The following ERLEC1 variants were observed in gnomAD, a reference collection of about 807,000 sequenced individuals.
ERLEC1 encodes ER lectin.
A neutral mutation model predicts 68.0 loss-of-function variants in ERLEC1; 47 were observed. That is an observed-to-expected ratio of 0.69 (90% confidence interval 0.55 to 0.88). The LOEUF (loss-of-function observed/expected upper bound fraction) is 0.88. Among genes scored for constraint, ERLEC1 ranks in the 40% least tolerant of loss-of-function variants. The pLI is 0.00. For missense variants in ERLEC1, 567 were observed against 583.8 expected, an observed-to-expected ratio of 0.97 and a Z score of 0.30; for synonymous variants, 225 against 203.2, an observed-to-expected ratio of 1.11 and a Z score of -0.91.
At chr2:53,791,771 T>TA (rs1237013034) in intron 1 of ERLEC1, among the ~76,000 whole-genome samples, 4 of 152,152 alleles carry the variant, frequency 2.6e-5, no homozygotes, top group African/African-American at 9.7e-5. Context: ...TGAAAGGAAT[T>TA]ACAAATGTTA....
intron 6 of ERLEC1, among the ~76,000 whole-genome samples, 189 bp from the exon 7 acceptor site, chr2:53,801,208 A>G (rs1410953689): frequency 6.6e-6 from 1 of 152,236 alleles, no homozygotes; most frequent in Admixed American, 6.5e-5. Context: ...CTGAAAATAC[A>G]TATTTGCTCA....
At chr2:53,790,725 A>T (rs1432613196) in intron 1 of ERLEC1, among the ~76,000 whole-genome samples, 1 of 151,338 alleles carries the variant, frequency 6.6e-6, no homozygotes, top group Non-Finnish European at 1.5e-5. Context: ...CTCTGGTCTC[A>T]GCCTCTTAAA....
At chr2:53,809,484 C>T (rs1676473736) in intron 10 of ERLEC1, among the ~76,000 whole-genome samples, 1 of 152,178 alleles carries the variant, frequency 6.6e-6, no homozygotes, top group South Asian at 2.1e-4. Flanking sequence ...ATTAATTACT[C>T]ATATGCTTCT....
At chr2:53,808,714 G>C (rs1676432308) in intron 9 of ERLEC1, among the ~76,000 whole-genome samples, 1 of 152,158 alleles carries the variant, frequency 6.6e-6, no homozygotes, top group Non-Finnish European at 1.5e-5. Context: ...GATTCTGGTT[G>C]ATTGCTAGAA....
chr2:53,802,668 T>C (rs1676067366), intron 8 of ERLEC1, among the ~76,000 whole-genome samples: 1 of 152,174 alleles, frequency 6.6e-6, no homozygotes, highest in African/African-American at 2.4e-5. Context: ...ACAAACCCCT[T>C]TGTGGTCTGA....
chr2:53,809,251 A>G lies in ERLEC1; in HGVS notation c.1079A>G (p.Lys360Arg), dbSNP rs150279841. ...GWWKYEFCYG[K>R]HVHQYHEDKD... Reference sequence around the variant, plus strand: ...TGGAAATATGAATTCTGCTATGGCAAACATGTACATCAATACCATGAGGTA... The same window carrying G: ...TGGAAATATGAATTCTGCTATGGCAGACATGTACATCAATACCATGAGGTA... The change falls in exon 10 of 14, where the codon AAA becomes AGA. Residue 360 changes from lysine to arginine, a missense_variant. Coordinates refer to ENST00000185150, the MANE Select transcript of ERLEC1 (RefSeq NM_015701.5). The G allele has an allele frequency of 1.4e-5, 22 of 1,579,432 alleles. No individual in the cohort carries two copies. In the African/African-American group the frequency reaches 2.8e-4, roughly 20 times the overall value.
At chr2:53,814,346 T>C (rs1349497385) in intron 11 of ERLEC1, among the ~76,000 whole-genome samples, 197 bp from the exon 12 acceptor site, 3 of 152,232 alleles carry the variant, frequency 2.0e-5, no homozygotes, top group East Asian at 1.9e-4. Context: ...GTATCTCTTA[T>C]ATTCTCTTTA....
At chr2:53,817,766 T>G (rs1676979609) in intron 13 of ERLEC1, 132 bp from the exon 14 acceptor site, 2 of 603,150 alleles carry the variant, frequency 3.3e-6, no homozygotes, top group South Asian at 4.4e-5. Flanking sequence ...TTTGTAGAAA[T>G]AATGTTGGAT....
intron 1 of ERLEC1, among the ~76,000 whole-genome samples, chr2:53,788,129 C>A (rs192275599): frequency 6.6e-6 from 1 of 152,302 alleles, no homozygotes; most frequent in East Asian, 1.9e-4. Flanking sequence ...ATATTGTACT[C>A]TTATGACACT....
chr2:53,801,374 G>T (rs1356529002), intron 6 of ERLEC1, 23 bp from the exon 7 acceptor site: 1 of 1,593,332 alleles, frequency 6.3e-7, no homozygotes, highest in African/African-American at 1.3e-5. Context: ...TGAAAAGTCT[G>T]TCTTATACTC....
intron 10 of ERLEC1, among the ~76,000 whole-genome samples, chr2:53,812,080 G>A (rs753781908): frequency 2.0e-5 from 3 of 152,108 alleles, no homozygotes; most frequent in Non-Finnish European, 4.4e-5. Flanking sequence ...AGCACGCCCG[G>A]CTAATTTTGT....
rs920042333 is a variant in ERLEC1, at chr2:53,818,328, TTATAG to T, written c.*364_*368del. On this transcript the variant is annotated 3_prime_UTR_variant, in exon 14 of 14. Transcript: ENST00000185150. ...TTAAATAATAGATTTATTATGTAAA[TTATAG>T]TATATGTAAGTAGCTAATGAAGTAA... 1 of 162,864 alleles carries T rather than the reference TTATAG, an allele frequency of 6.1e-6. No individual in the cohort carries two copies. The highest frequency in any genetic ancestry group is 1.3e-5 in the Non-Finnish European group (1 of 74,140). The allele number at this position is 162,864 out of a possible 1,614,324, so 10.1% of individuals were successfully genotyped here. A position where few individuals can be genotyped will look rare whatever the true frequency, so the allele number is the denominator to read the frequency against.
At chr2:53,813,665 T>C (rs1676708915) in intron 11 of ERLEC1, among the ~76,000 whole-genome samples, 2 of 152,220 alleles carry the variant, frequency 1.3e-5, no homozygotes, top group African/African-American at 4.8e-5. Context: ...ATGTTTTCAA[T>C]TATTCCTTCT....
At chr2:53,806,649 T>G (rs1676309693) in intron 8 of ERLEC1, among the ~76,000 whole-genome samples, 1 of 152,178 alleles carries the variant, frequency 6.6e-6, no homozygotes, top group African/African-American at 2.4e-5. Flanking sequence ...ATAAGGTCAT[T>G]GCTTTCTGGA....
intron 13 of ERLEC1, among the ~76,000 whole-genome samples, chr2:53,815,900 C>G (rs2104344899): frequency 6.6e-6 from 1 of 152,298 alleles, no homozygotes; most frequent in East Asian, 1.9e-4. Flanking sequence ...GTCCTCACTT[C>G]TCAACACATC....
At chr2:53,806,411 T>C (rs1052993400) in intron 8 of ERLEC1, among the ~76,000 whole-genome samples, 7 of 152,236 alleles carry the variant, frequency 4.6e-5, no homozygotes, top group Non-Finnish European at 1.0e-4. Context: ...TTAACCTTAA[T>C]AGAGGTCTCA....
intron 8 of ERLEC1, among the ~76,000 whole-genome samples, chr2:53,807,924 C>G (rs568028267): frequency 6.6e-6 from 1 of 151,926 alleles, no homozygotes; most frequent in African/African-American, 2.4e-5. Flanking sequence ...ACTTTGGAGG[C>G]TGAGGCAGGA....
intron 2 of ERLEC1, among the ~76,000 whole-genome samples, chr2:53,795,150 G>A (rs763098750): frequency 2.6e-4 from 39 of 152,078 alleles, no homozygotes; most frequent in Non-Finnish European, 4.9e-4. Context: ...CTCCTAAAAT[G>A]CCCTAATTGC....
Position 53,817,909 on chromosome 2 carries a change from AGT to A in ERLEC1, c.1394_1395del (p.Val465AspfsTer3). 5.6e-6 allele frequency: 9 copies of A among 1,606,598 alleles called. No individual in the cohort carries two copies. Among genetic ancestry groups the A allele is most frequent in the Non-Finnish European group, 7.7e-6 (9 of 1,173,472 alleles). ...CQYILGVESP[V>X]ICKILDTADE... ...TTGTTCTTCTTTAGGTTGAATCTCCAGTGATCTGTAAAATCTTAGATACAGCA... is the reference window on the plus strand; with the variant it reads ...TTGTTCTTCTTTAGGTTGAATCTCCAGATCTGTAAAATCTTAGATACAGCA... On this transcript the variant is annotated frameshift_variant, in exon 14 of 14. Transcript: ENST00000185150. LOFTEE classifies it high-confidence loss of function.
Sources: allele counts gnomAD v4.1 joint callset (sites outside exome capture counted in the v4.1 genomes callset), GRCh38; gene constraint gnomAD v4.1.1; transcripts MANE v1.5; gene names NCBI Gene and HGNC (gene_info 2026-07-23, HGNC 2026-07-21).